Variants in LACTB2 observed in about 807,000 individuals in gnomAD.
LACTB2 encodes endoribonuclease LACTB2.
Under a neutral mutation model 34.8 loss-of-function variants are expected in LACTB2, and 32 were observed. The observed-to-expected ratio is 0.92, with a 90% confidence interval of 0.69 to 1.24. The LOEUF is 1.24. LACTB2 is among the 50% of genes most tolerant of loss of function. The pLI, the probability that LACTB2 is intolerant of heterozygous loss-of-function variation, is 0.00. For missense variants in LACTB2, 320 were observed against 345.0 expected (o/e 0.93, Z 0.57); for synonymous variants, 120 against 117.5 (o/e 1.02, Z -0.14).
At chr8:70,665,977 A>G (rs1287103837) in intron 1 of LACTB2, among the ~76,000 whole-genome samples, 1 of 152,194 alleles carries the variant, frequency 6.6e-6, no homozygotes, top group Non-Finnish European at 1.5e-5. Flanking sequence ...ACTAAGCATC[A>G]CAGTTAGGTC....
chr8:70,639,547 G>GAATAAATGTAAA (rs1260583455), intron 5 of LACTB2, among the ~76,000 whole-genome samples: 1 of 152,218 alleles, frequency 6.6e-6, no homozygotes, highest in African/African-American at 2.4e-5. Context: ...TTTTATGAAT[G>GAATAAATGTAAA]AATAAATGTA....
At chr8:70,661,636 T>C (rs1260750671) in intron 2 of LACTB2, 98 bp downstream of exon 2, 3 of 1,005,218 alleles carry the variant, frequency 3.0e-6, no homozygotes. Flanking sequence ...CTGAGGTATT[T>C]AGTAAATGGT....
intron 5 of LACTB2, 132 bp downstream of exon 5, chr8:70,640,770 G>C: frequency 9.3e-7 from 1 of 1,078,088 alleles, no homozygotes. Flanking sequence ...GAAAGTTTAG[G>C]CTGCTGGTCT....
chr8:70,665,747 G>A (rs1283060571), intron 1 of LACTB2, among the ~76,000 whole-genome samples: 3 of 152,174 alleles, frequency 2.0e-5, no homozygotes, highest in Non-Finnish European at 2.9e-5. Context: ...ATGGCACCAG[G>A]ATTCTAATCG....
At position 70,668,771 on chromosome 8, in the gene LACTB2, T is replaced by TG. The variant is rs796920240; in HGVS notation, c.122+227_122+228insC. 2.8e-3 allele frequency among the ~76,000 whole-genome samples: 410 copies of TG among 144,120 alleles called. 9 individuals are homozygous for TG. The highest frequency in any genetic ancestry group is 6.5e-3 in the African/African-American group (252 of 38,566). 94.5% of individuals were successfully genotyped at this position (144,120 alleles called of 152,430 possible). A position where few individuals can be genotyped will look rare whatever the true frequency, so the allele number is the denominator to read the frequency against. On this transcript the variant is annotated intron_variant, in intron 1 of 6. Transcript: ENST00000276590. The stretch of plus-strand genomic sequence containing the variant: ...AAGTTTTTTTTTTTTTTTTTTTTTT[T>TG]TTTTCCATTTCTCCCTAAATTAGAG...
rs1440409958 is a variant in LACTB2 at position 70,637,675 on chromosome 8, T to C, written c.*185A>G. The C allele has an allele frequency of 5.5e-6, 2 of 366,804 alleles. No homozygotes were observed. Among genetic ancestry groups the C allele is most frequent in the Non-Finnish European group, 9.9e-6 (2 of 201,654 alleles). 22.7% of individuals were successfully genotyped at this position (366,804 alleles called of 1,614,324 possible). On this transcript the variant is annotated 3_prime_UTR_variant, in exon 7 of 7. Coordinates refer to ENST00000276590, the MANE Select transcript of LACTB2 (RefSeq NM_016027.3). ...ACGTTAGAAGACAAGGTTAGAGAAATAACCTATCATATGGTTGTATAGTGT... is the reference window on the plus strand; with the variant it reads ...ACGTTAGAAGACAAGGTTAGAGAAACAACCTATCATATGGTTGTATAGTGT...
chr8:70,643,207 CCTTTTTTTTTT>C (rs1563402788), intron 4 of LACTB2, among the ~76,000 whole-genome samples: 2 of 95,818 alleles, frequency 2.1e-5, no homozygotes, highest in African/African-American at 4.0e-5. Context: ...GGTGTATTTT[CCTTTTTTTTTT>C]TTTTTTTTTT....
At chr8:70,648,309 A>C (rs73685694) in intron 3 of LACTB2, among the ~76,000 whole-genome samples, 10,491 of 152,298 alleles carry the variant, frequency 0.069, 409 homozygotes, top group Non-Finnish European at 0.077. Context: ...CAGCGCATAA[A>C]AACGAACAAG....
rs1472437518 is a variant in LACTB2 at position 70,669,156 on chromosome 8, T to C, written c.-36A>G. ...GCCGCCCGCCGGCGTGTCGCCTATC[T>C]GGATACTCCAGCGCGGAAGAAGCCA... On this transcript the variant is annotated 5_prime_UTR_variant, in exon 1 of 7. Transcript: ENST00000276590. 11 of 1,608,798 alleles carry C rather than the reference T, an allele frequency of 6.8e-6. No homozygotes were observed. The highest frequency in any genetic ancestry group is 9.3e-6 in the Non-Finnish European group (11 of 1,177,628).
At chr8:70,650,843 T>C (rs1818333142) in intron 3 of LACTB2, among the ~76,000 whole-genome samples, 1 of 139,718 alleles carries the variant, frequency 7.2e-6, no homozygotes. Context: ...ATTCTAAAAA[T>C]AATAACCAAA....
At chr8:70,653,145 C>T (rs1327716897) in intron 3 of LACTB2, among the ~76,000 whole-genome samples, 1 of 152,182 alleles carries the variant, frequency 6.6e-6, no homozygotes, top group Non-Finnish European at 1.5e-5. Context: ...GAGTCTTGCT[C>T]TGTCACCAGG....
At chr8:70,650,753 A>AG (rs1818330972) in intron 3 of LACTB2, among the ~76,000 whole-genome samples, 3 of 148,880 alleles carry the variant, frequency 2.0e-5, no homozygotes, top group Middle Eastern at 3.2e-3. Flanking sequence ...AAAAAAAAAA[A>AG]AAAAAGAAAA....
chr8:70,660,798 CT>C (rs372135739), intron 2 of LACTB2: 128 of 454,798 alleles, frequency 2.8e-4, no homozygotes, highest in African/African-American at 2.2e-3. Context: ...ATTTTTTTCC[CT>C]TTTTTTTTCA....
chr8:70,655,639 A>G (rs936323432), intron 3 of LACTB2, among the ~76,000 whole-genome samples: 1 of 152,308 alleles, frequency 6.6e-6, no homozygotes, highest in Admixed American at 6.5e-5. Flanking sequence ...TTGCAATTGC[A>G]AACTGTGCTG....
chr8:70,640,803 C>A, intron 5 of LACTB2, 99 bp downstream of exon 5: 3 of 1,272,848 alleles, frequency 2.4e-6, no homozygotes, highest in Non-Finnish European at 3.1e-6. Context: ...AGTGGCGTAA[C>A]TTCTGATCTG....
At position 70,641,968 on chromosome 8, in the gene LACTB2, C is replaced by G. The variant is rs187954827; in HGVS notation, c.593-918G>C. Among the ~76,000 whole-genome samples the G allele has an allele frequency of 2.5e-4, 38 of 152,272 alleles. 1 individual carries two copies. Among genetic ancestry groups the G allele is most frequent in the African/African-American group, 8.9e-4 (37 of 41,550 alleles). On this transcript the variant is annotated intron_variant, in intron 4 of 6. Coordinates refer to ENST00000276590, the MANE Select transcript of LACTB2 (RefSeq NM_016027.3). ...CTTCTGCTGTGTGGTGAGGAAACCA[C>G]TACCTACTTTACATGGGTTTTGGTG...
chr8:70,649,651 A>G (rs1818313372), intron 3 of LACTB2, among the ~76,000 whole-genome samples: 1 of 152,198 alleles, frequency 6.6e-6, no homozygotes, highest in Non-Finnish European at 1.5e-5. Flanking sequence ...ACCCAATTCT[A>G]ATTTTTTCTT....
chr8:70,668,895 G>A (rs1818580913), intron 1 of LACTB2, 104 bp downstream of exon 1: 4 of 1,483,812 alleles, frequency 2.7e-6, no homozygotes, highest in Admixed American at 2.1e-5. Flanking sequence ...GCCCAGCTAG[G>A]GACAGGACGC....
In LACTB2 at chr8:70,669,175, G is replaced by A. The variant is rs1818594226; in HGVS notation, c.-55C>T. On this transcript the variant is annotated 5_prime_UTR_variant, in exon 1 of 7. Transcript: ENST00000276590. ...CCTATCTGGATACTCCAGCGCGGAA[G>A]AAGCCAACAGGCCGGGGATAGCGAG... The A allele has an allele frequency of 7.5e-6, 12 of 1,593,440 alleles. No individual in the cohort carries two copies. The highest frequency in any genetic ancestry group is 2.3e-5 in the East Asian group (1 of 43,944).
Sources: gnomAD v4.1 joint callset for allele counts (sites outside exome capture counted in the v4.1 genomes callset) on GRCh38, gnomAD v4.1.1 for gene constraint, MANE v1.5 for transcripts, NCBI Gene and HGNC (gene_info 2026-07-23, HGNC 2026-07-21) for gene names.